SMYD3: variants seen among roughly 807,000 people sequenced by gnomAD.
The protein encoded by SMYD3 is SET and MYND domain containing 3, also known as histone-lysine N-methyltransferase SMYD3.
SMYD3 carries 36 observed loss-of-function variants against 57.7 expected under a neutral mutation model. The ratio of observed to expected loss-of-function variants is 0.62; its 90% CI spans 0.48 to 0.82. SMYD3 has a LOEUF of 0.82. Among genes scored for constraint, SMYD3 ranks in the 40% least tolerant of loss-of-function variants. The pLI is 0.00. For missense variants in SMYD3, 515 were observed against 538.8 expected (o/e 0.96, Z 0.44); for synonymous variants, 211 against 195.0 (o/e 1.08, Z -0.68).
chr1:246,265,952 T>A (rs557914477), intron 5 of SMYD3, among the ~76,000 whole-genome samples: 2 of 152,246 alleles, frequency 1.3e-5, no homozygotes, highest in Non-Finnish European at 2.9e-5. Flanking sequence ...TAATCTCTCA[T>A]GAATGTTTTT....
At chr1:245,915,752 C>A (rs3753687) in intron 7 of SMYD3, 112 bp from the exon 8 acceptor site, 1 of 627,190 alleles carries the variant, frequency 1.6e-6, no homozygotes, top group Non-Finnish European at 2.7e-6. Flanking sequence ...TATTATAAAC[C>A]AAAAATATAA....
intron 5 of SMYD3, among the ~76,000 whole-genome samples, chr1:246,002,314 A>C: frequency 1.2e-5 from 1 of 81,232 alleles, no homozygotes; most frequent in Non-Finnish European, 3.2e-5. Flanking sequence ...CCTCCCGAGT[A>C]GCTGGGACTG....
chr1:246,272,092 T>C (rs2064234529), intron 5 of SMYD3, among the ~76,000 whole-genome samples: 1 of 152,246 alleles, frequency 6.6e-6, no homozygotes, highest in Non-Finnish European at 1.5e-5. Flanking sequence ...CACTGTTTGT[T>C]TGTGTATAAA....
intron 5 of SMYD3, among the ~76,000 whole-genome samples, chr1:246,163,318 C>A (rs1368333689): frequency 1.3e-5 from 2 of 152,208 alleles, no homozygotes; most frequent in Admixed American, 1.3e-4. Flanking sequence ...GGCTGTAGCT[C>A]ACTGAAACAC....
At chr1:246,312,370 G>A (rs1309641729) in intron 5 of SMYD3, among the ~76,000 whole-genome samples, 1 of 152,098 alleles carries the variant, frequency 6.6e-6, no homozygotes. Flanking sequence ...ATGAGTTAGA[G>A]GCCATTTAGG....
chr1:246,300,882 C>A (rs2064882681), intron 5 of SMYD3, among the ~76,000 whole-genome samples: 1 of 152,110 alleles, frequency 6.6e-6, no homozygotes, highest in Non-Finnish European at 1.5e-5. Context: ...CTCAGGAAAT[C>A]AAAGTCTGGA....
chr1:245,907,872 T>G (rs1275365796), intron 8 of SMYD3, among the ~76,000 whole-genome samples: 1 of 152,142 alleles, frequency 6.6e-6, no homozygotes, highest in African/African-American at 2.4e-5. Context: ...GCATGGTGGC[T>G]CACGCCTGTA....
intron 1 of SMYD3, among the ~76,000 whole-genome samples, chr1:246,435,837 C>A (rs760851923): frequency 6.7e-6 from 1 of 148,796 alleles, no homozygotes; most frequent in East Asian, 2.1e-4. Flanking sequence ...GGACAAAACA[C>A]GCTAAATGAA....
chr1:245,907,873 C>T (rs1558481706), intron 8 of SMYD3, among the ~76,000 whole-genome samples: 1 of 152,102 alleles, frequency 6.6e-6, no homozygotes, highest in Non-Finnish European at 1.5e-5. Flanking sequence ...CATGGTGGCT[C>T]ACGCCTGTAA....
At chr1:245,898,651 A>G (rs1041047588) in intron 8 of SMYD3, among the ~76,000 whole-genome samples, 1 of 152,260 alleles carries the variant, frequency 6.6e-6, no homozygotes, top group Non-Finnish European at 1.5e-5. Context: ...GGCTATTTCA[A>G]TAACCTAGCA....
At chr1:246,240,770 G>A (rs1273585385) in intron 5 of SMYD3, among the ~76,000 whole-genome samples, 1 of 152,140 alleles carries the variant, frequency 6.6e-6, no homozygotes, top group East Asian at 1.9e-4. Flanking sequence ...ATTTCATTGA[G>A]CAGTGGTTTG....
intron 1 of SMYD3, among the ~76,000 whole-genome samples, chr1:246,488,235 G>C (rs890419942): frequency 6.6e-6 from 1 of 152,218 alleles, no homozygotes; most frequent in African/African-American, 2.4e-5. Flanking sequence ...AGAATCATCT[G>C]CCAGCTTGAC....
At chr1:246,478,283 A>AG (rs938690800) in intron 1 of SMYD3, among the ~76,000 whole-genome samples, 77 of 152,392 alleles carry the variant, frequency 5.1e-4, no homozygotes, top group African/African-American at 1.8e-3. Flanking sequence ...GTAAATACTA[A>AG]GGATACTCTG....
chr1:245,923,389 A>G (rs2056128829), intron 7 of SMYD3, among the ~76,000 whole-genome samples: 1 of 152,136 alleles, frequency 6.6e-6, no homozygotes, highest in Non-Finnish European at 1.5e-5. Context: ...ACAAATATTT[A>G]CTGGGCGCCT....
intron 10 of SMYD3, among the ~76,000 whole-genome samples, chr1:245,795,737 T>C (rs1186015750): frequency 1.3e-5 from 2 of 152,072 alleles, no homozygotes; most frequent in Non-Finnish European, 2.9e-5. Flanking sequence ...TCAATCAAGA[T>C]TTCTCCCACC....
intron 1 of SMYD3, among the ~76,000 whole-genome samples, chr1:246,414,757 G>A (rs565493084): frequency 6.5e-4 from 79 of 121,892 alleles, no homozygotes; most frequent in Middle Eastern, 8.1e-3. Flanking sequence ...TTGCTCTGTC[G>A]CCCAGACCAG....
intron 1 of SMYD3, among the ~76,000 whole-genome samples, chr1:246,503,824 G>A (rs367742675): frequency 2.1e-4 from 32 of 152,064 alleles, no homozygotes; most frequent in African/African-American, 7.5e-4. Context: ...TTAGCCAGGC[G>A]TGGTCTGTAA....
intron 5 of SMYD3, among the ~76,000 whole-genome samples, chr1:246,148,166 T>C (rs987505696): frequency 2.0e-5 from 3 of 152,088 alleles, no homozygotes; most frequent in African/African-American, 2.4e-5. Flanking sequence ...TGGGTGCACA[T>C]GGAGGACCAT....
chr1:246,274,389 C>T (rs2064288045), intron 5 of SMYD3, among the ~76,000 whole-genome samples: 1 of 152,172 alleles, frequency 6.6e-6, no homozygotes, highest in African/African-American at 2.4e-5. Context: ...AGAAAGAACA[C>T]AGTCATATAA....
Sources: allele counts gnomAD v4.1 joint callset (sites outside exome capture counted in the v4.1 genomes callset), GRCh38; gene constraint gnomAD v4.1.1; transcripts MANE v1.5; gene names NCBI Gene and HGNC (gene_info 2026-07-23, HGNC 2026-07-21).